Variants in GPR21 observed in about 807,000 individuals in gnomAD.
GPR21 encodes the protein G protein-coupled receptor 21, also known as probable G protein-coupled receptor 21.
Under a neutral mutation model 21.5 loss-of-function variants are expected in GPR21, and 9 were observed. That is an observed-to-expected ratio of 0.42 (90% CI 0.25 to 0.73). The LOEUF (loss-of-function observed/expected upper bound fraction) is 0.73, where lower values mean the gene tolerates loss of function less well. Among genes scored for constraint, GPR21 ranks in the 30% least tolerant of loss-of-function variants. The pLI is 0.27. For missense variants in GPR21, 416 were observed against 428.9 expected (o/e 0.97, Z 0.27); for synonymous variants, 169 against 159.3 (o/e 1.06, Z -0.46).
At chr9:123,037,002 C>T (rs958263385), downstream of GPR21, among the ~76,000 whole-genome samples, 5 of 152,066 alleles carry the variant, frequency 3.3e-5, no homozygotes, top group Non-Finnish European at 5.9e-5. Flanking sequence ...GCTCCAGGCA[C>T]GAGAGTATTT....
the GPR21 span, among the ~76,000 whole-genome samples, chr9:123,047,315 T>G: frequency 6.6e-6 from 1 of 152,184 alleles, no homozygotes; most frequent in Admixed American, 6.5e-5. Context: ...ATAATTGTAC[T>G]GCTAGTGAGT....
downstream of GPR21, among the ~76,000 whole-genome samples, chr9:123,039,340 C>A (rs967946462): frequency 2.0e-5 from 3 of 152,164 alleles, no homozygotes; most frequent in African/African-American, 7.2e-5. Context: ...GGGACAGTGT[C>A]TCTTATCTGT....
At chr9:123,043,900 CTT>C in the GPR21 span, among the ~76,000 whole-genome samples, 11 of 129,398 alleles carry the variant, frequency 8.5e-5, no homozygotes, top group Admixed American at 7.7e-5. Flanking sequence ...GTATTATTTT[CTT>C]TTTTTTTTTT....
chr9:123,048,025 C>T, the GPR21 span, among the ~76,000 whole-genome samples: 20 of 148,290 alleles, frequency 1.3e-4, no homozygotes, highest in South Asian at 6.4e-4. Flanking sequence ...TGCGAACCTC[C>T]GCCTCCCAGG....
the GPR21 span, among the ~76,000 whole-genome samples, chr9:123,043,542 CTGAT>C: frequency 1.7e-4 from 25 of 151,212 alleles, no homozygotes; most frequent in Non-Finnish European, 3.5e-4. Flanking sequence ...ATGACATACT[CTGAT>C]TCAGTTATGT....
At chr9:123,043,188 T>G in the GPR21 span, among the ~76,000 whole-genome samples, 1 of 152,060 alleles carries the variant, frequency 6.6e-6, no homozygotes, top group Non-Finnish European at 1.5e-5. Flanking sequence ...TTCTCCAGAA[T>G]GAGGGAGGAA....
chr9:123,033,779 T>C (rs558935092), intron 1 of GPR21, 37 bp downstream of exon 1: 1 of 152,352 alleles, frequency 6.6e-6, no homozygotes, highest in African/African-American at 2.4e-5. Flanking sequence ...GTAAATTCTG[T>C]TGAAATGTTT....
downstream of GPR21, among the ~76,000 whole-genome samples, chr9:123,038,116 T>C (rs2032763434): frequency 6.6e-6 from 1 of 152,194 alleles, no homozygotes; most frequent in Non-Finnish European, 1.5e-5. Context: ...AAGTGGTTTT[T>C]TCCCCCTTCT....
chr9:123,040,569 C>G (rs2032904368), downstream of GPR21, among the ~76,000 whole-genome samples: 1 of 152,102 alleles, frequency 6.6e-6, no homozygotes, highest in East Asian at 1.9e-4. Flanking sequence ...CTTTGCAAGT[C>G]TTAGTAGTCT....
At chr9:123,038,788 A>G (rs946330177), downstream of GPR21, among the ~76,000 whole-genome samples, 7 of 151,672 alleles carry the variant, frequency 4.6e-5, no homozygotes, top group Admixed American at 3.9e-4. Flanking sequence ...AGACCTTGGA[A>G]ATATTGTAGA....
the GPR21 span, among the ~76,000 whole-genome samples, chr9:123,048,234 C>CA: frequency 6.6e-6 from 1 of 152,030 alleles, no homozygotes; most frequent in African/African-American, 2.4e-5. Flanking sequence ...CCATCATGCC[C>CA]AATCAACTGC....
chr9:123,046,700 GT>G, the GPR21 span, among the ~76,000 whole-genome samples: 2 of 152,198 alleles, frequency 1.3e-5, no homozygotes, highest in East Asian at 3.8e-4. Context: ...GAATAGGGTA[GT>G]ATGGATGAAG....
downstream of GPR21, among the ~76,000 whole-genome samples, chr9:123,039,116 A>G (rs1425384632): frequency 6.6e-6 from 1 of 152,178 alleles, no homozygotes; most frequent in African/African-American, 2.4e-5. Context: ...CCATTCTTCT[A>G]CATGTAAGGA....
the GPR21 span, among the ~76,000 whole-genome samples, chr9:123,046,844 A>G: frequency 6.6e-6 from 1 of 152,214 alleles, no homozygotes; most frequent in Non-Finnish European, 1.5e-5. Flanking sequence ...TTCTGAGAAA[A>G]TGAATGACAT....
chr9:123,035,438 G>C lies in GPR21; in HGVS notation c.872G>C (p.Trp291Ser). The change falls in exon 2 of 2, where the codon TGG (tryptophan) becomes TCG (serine). Residue 291 changes from tryptophan to serine, a missense_variant. Trp to Ser is a radical substitution (Grantham distance 177, BLOSUM62 -3). Transcript: ENST00000616002. ...CGCTTCGCATCCTTCTTGACCACCT[G>C]GCTTGCTATTAGTAACAGTTTCTGC... ...SNRFASFLTTWLAISNSFCNC... is the reference protein window; with the variant it reads ...SNRFASFLTTSLAISNSFCNC... 1.2e-6 allele frequency: 2 copies of C among 1,614,114 alleles called. No homozygotes were observed. Among genetic ancestry groups the C allele is most frequent in the South Asian group, 2.2e-5 (2 of 91,076 alleles).
In GPR21 at chr9:123,035,414, G is replaced by C. The variant is rs780216187; in HGVS notation, c.848G>C (p.Arg283Pro). 8.1e-6 allele frequency: 13 copies of C among 1,614,124 alleles called. No homozygotes were observed. Among genetic ancestry groups the C allele is most frequent in the Non-Finnish European group, 1.1e-5 (13 of 1,180,010 alleles). Residue 283 changes from arginine (R) to proline (P), a missense_variant, in exon 2 of 2, where the codon CGC becomes CCC. Coordinates refer to ENST00000616002, the MANE Select transcript of GPR21 (RefSeq NM_005294.3). ...LLESSTGHSN[R>P]FASFLTTWLA... ...GAAAGCTCCACTGGCCACAGCAACC[G>C]CTTCGCATCCTTCTTGACCACCTGG...
the GPR21 span, among the ~76,000 whole-genome samples, chr9:123,046,482 C>G: frequency 2.0e-5 from 3 of 152,124 alleles, no homozygotes; most frequent in Admixed American, 6.5e-5. Flanking sequence ...GCAGACAGAC[C>G]TGGGTTTGAA....
chr9:123,034,350 C>T lies in GPR21; in HGVS notation c.-217C>T, dbSNP rs2032487361. On this transcript the variant is annotated 5_prime_UTR_variant, in exon 2 of 2. It introduces an in-frame stop codon into an upstream open reading frame of the 5' UTR. Coordinates refer to ENST00000616002, the MANE Select transcript of GPR21 (RefSeq NM_005294.3). ...ATGGCCGCGTCTGGGACTGGCCAGA[C>T]AACTGCTGCTGGCTCTCCTTATTCC... 2 of 566,840 alleles carry T rather than the reference C, an allele frequency of 3.5e-6. No homozygotes were observed. Among genetic ancestry groups the T allele is most frequent in the Admixed American group, 3.4e-5 (1 of 29,700 alleles). 35.1% of individuals were successfully genotyped at this position (566,840 alleles called of 1,614,324 possible). A position where few individuals can be genotyped will look rare whatever the true frequency, so the allele number is the denominator to read the frequency against.
Position 123,034,867 on chromosome 9 carries a change from A to G in GPR21, c.301A>G (p.Thr101Ala), listed in dbSNP as rs2032531318. 1.2e-6 allele frequency: 2 copies of G among 1,613,844 alleles called. No homozygotes were observed. Among genetic ancestry groups the G allele is most frequent in the Non-Finnish European group, 1.7e-6 (2 of 1,179,950 alleles). The change falls in exon 2 of 2, where the codon ACT (threonine) becomes GCT (alanine). Residue 101 changes from threonine to alanine, a missense_variant. Thr to Ala is a moderately conservative substitution (Grantham distance 58). Transcript: ENST00000616002. The part of the protein sequence containing the change: ...HHPLPVEESL[T>A]CQIFGFVVSV... ...CCCCCTTCCAGTAGAGGAGTCCTTG[A>G]CTTGCCAGATATTTGGTTTTGTAGT...
Sources: allele counts gnomAD v4.1 joint callset (sites outside exome capture counted in the v4.1 genomes callset), GRCh38; gene constraint gnomAD v4.1.1; transcripts MANE v1.5; gene names NCBI Gene and HGNC (gene_info 2026-07-23, HGNC 2026-07-21).